The following SGIP1 variants were observed in gnomAD, a reference collection of about 807,000 sequenced individuals.
SGIP1 encodes the protein SH3GL interacting endocytic adaptor 1, also known as SH3-containing GRB2-like protein 3-interacting protein 1.
Under a neutral mutation model 107.5 loss-of-function variants are expected in SGIP1, and 38 were observed. That is an observed-to-expected ratio of 0.35 (90% CI 0.27 to 0.46). The LOEUF is 0.46. Ranked by LOEUF, SGIP1 falls within the 20% of genes least tolerant of loss-of-function variation. The probability of loss-of-function intolerance (pLI) is 1.00; values close to 1 mark genes in which losing one functional copy is unlikely to be tolerated. For synonymous variants in SGIP1, 365 were observed against 366.1 expected (o/e 1.00, Z 0.03); for missense variants, 929 against 1,019.5 (o/e 0.91, Z 1.21).
At chr1:66,630,849 A>AGAGAGAGAG (rs1558133224) in intron 2 of SGIP1, among the ~76,000 whole-genome samples, 3 of 29,310 alleles carry the variant, frequency 1.0e-4, no homozygotes, top group South Asian at 2.7e-3. Flanking sequence ...GAAAGAAAGA[A>AGAGAGAGAG]AGAAAGAAAG....
In SGIP1 at chr1:66,534,240, T is replaced by C; in HGVS notation, c.-119T>C. Reference sequence around the variant, plus strand: ...GCTTAACACTTATCTCCTTTGGCTTTGACAGCGGACGGAATAGACCTCAGC... The same window carrying C: ...GCTTAACACTTATCTCCTTTGGCTTCGACAGCGGACGGAATAGACCTCAGC... On this transcript the variant is annotated 5_prime_UTR_variant, in exon 1 of 25. Coordinates refer to ENST00000371037, the MANE Select transcript of SGIP1 (RefSeq NM_032291.4). The C allele has an allele frequency of 1.8e-6, 2 of 1,081,686 alleles. No individual in the cohort carries two copies. Among genetic ancestry groups the C allele is most frequent in the South Asian group, 1.3e-5 (1 of 76,378 alleles). The allele number at this position is 1,081,686 out of a possible 1,614,324, so 67.0% of individuals were successfully genotyped here. A position where few individuals can be genotyped will look rare whatever the true frequency, so the allele number is the denominator to read the frequency against.
intron 13 of SGIP1, among the ~76,000 whole-genome samples, chr1:66,677,581 A>C (rs1410466658): frequency 1.3e-5 from 2 of 152,192 alleles, no homozygotes; most frequent in Admixed American, 1.3e-4. Flanking sequence ...AGAGAAGCTG[A>C]GATAGTAGAT....
At chr1:66,648,786 A>G (rs1489872011) in intron 7 of SGIP1, among the ~76,000 whole-genome samples, 2 of 152,194 alleles carry the variant, frequency 1.3e-5, no homozygotes, top group African/African-American at 2.4e-5. Context: ...GCCAGTGTGT[A>G]GTAACAGAAG....
At chr1:66,635,883 G>A in intron 3 of SGIP1, 61 bp from the exon 4 acceptor site, 1 of 1,535,296 alleles carries the variant, frequency 6.5e-7, no homozygotes, top group South Asian at 1.1e-5. Flanking sequence ...CTTTATATGT[G>A]TCTTGAAGAA....
At chr1:66,734,005 T>C (rs2094127607) in intron 21 of SGIP1, 125 bp downstream of exon 21, 2 of 1,067,272 alleles carry the variant, frequency 1.9e-6, no homozygotes, top group African/African-American at 3.3e-5. Flanking sequence ...TATAACTCAT[T>C]TTTTTAAATG....
chr1:66,696,947 A>G (rs2091038173), intron 18 of SGIP1, among the ~76,000 whole-genome samples: 1 of 152,250 alleles, frequency 6.6e-6, no homozygotes, highest in Admixed American at 6.5e-5. Flanking sequence ...AAGTAAAGCA[A>G]TACCTGCATA....
At chr1:66,692,681 C>T (rs1277228653) in intron 17 of SGIP1, among the ~76,000 whole-genome samples, 1 of 152,160 alleles carries the variant, frequency 6.6e-6, no homozygotes, top group African/African-American at 2.4e-5. Context: ...GTTGGTAGCT[C>T]AACATTTCCC....
chr1:66,702,205 G>C (rs1455896921), intron 18 of SGIP1, among the ~76,000 whole-genome samples: 1 of 152,166 alleles, frequency 6.6e-6, no homozygotes, highest in Admixed American at 6.5e-5. Flanking sequence ...TGAGCATTTA[G>C]GTAACTTTTC....
chr1:66,538,909 G>A (rs2054243361), intron 1 of SGIP1, among the ~76,000 whole-genome samples: 1 of 152,074 alleles, frequency 6.6e-6, no homozygotes, highest in Admixed American at 6.6e-5. Context: ...AAAATTAGAA[G>A]GTATTTTCAG....
chr1:66,565,074 C>T (rs1432586261), intron 1 of SGIP1, among the ~76,000 whole-genome samples: 1 of 151,940 alleles, frequency 6.6e-6, no homozygotes, highest in Non-Finnish European at 1.5e-5. Context: ...AAAACCAGGA[C>T]CCCCTGACTC....
intron 1 of SGIP1, among the ~76,000 whole-genome samples, chr1:66,614,719 T>C (rs916386253): frequency 6.6e-6 from 1 of 151,840 alleles, no homozygotes; most frequent in Non-Finnish European, 1.5e-5. Context: ...GGCAGTACCA[T>C]GTAATCTCCT....
At chr1:66,605,310 C>G (rs1441609464) in intron 1 of SGIP1, among the ~76,000 whole-genome samples, 1 of 152,176 alleles carries the variant, frequency 6.6e-6, no homozygotes, top group Non-Finnish European at 1.5e-5. Context: ...TTTCATCTGA[C>G]CAGCCAATTG....
At chr1:66,721,593 G>A (rs982894670) in intron 19 of SGIP1, among the ~76,000 whole-genome samples, 7 of 152,114 alleles carry the variant, frequency 4.6e-5, no homozygotes, top group South Asian at 2.1e-4. Flanking sequence ...ATTTTTTTTA[G>A]CGACGGGGTT....
chr1:66,570,702 T>A (rs143522032), intron 1 of SGIP1, among the ~76,000 whole-genome samples: 2 of 152,078 alleles, frequency 1.3e-5, no homozygotes, highest in East Asian at 3.9e-4. Context: ...GCAAAACATA[T>A]GTAGTTCCCT....
chr1:66,749,084 T>C lies in SGIP1; in HGVS notation c.*5989T>C, dbSNP rs192818688. Among the ~76,000 whole-genome samples, 405 of 152,174 alleles carry C rather than the reference T, an allele frequency of 2.7e-3. 3 individuals carry two copies. The highest frequency in any genetic ancestry group is 2.6e-3 in the Non-Finnish European group (179 of 67,900). On this transcript the variant is annotated 3_prime_UTR_variant, in exon 25 of 25. Transcript: ENST00000371037. ...GAATTGTTATCTATTTTAAATTTCATTAGTATCTCTTAGTGAATTTAACTT... is the reference window on the plus strand; with the variant it reads ...GAATTGTTATCTATTTTAAATTTCACTAGTATCTCTTAGTGAATTTAACTT...
At chr1:66,612,307 T>C (rs2068194133) in intron 1 of SGIP1, among the ~76,000 whole-genome samples, 1 of 152,154 alleles carries the variant, frequency 6.6e-6, no homozygotes, top group African/African-American at 2.4e-5. Flanking sequence ...ACCCAAACAC[T>C]TTCCACTGGC....
At chr1:66,667,854 A>G (rs530013023) in intron 9 of SGIP1, among the ~76,000 whole-genome samples, 1 of 152,208 alleles carries the variant, frequency 6.6e-6, no homozygotes, top group South Asian at 2.1e-4. Flanking sequence ...AGGCCTAGAG[A>G]TTCACCAGAA....
intron 18 of SGIP1, among the ~76,000 whole-genome samples, chr1:66,711,162 C>A (rs2150345681): frequency 6.6e-6 from 1 of 152,178 alleles, no homozygotes; most frequent in Non-Finnish European, 1.5e-5. Context: ...TTAATCAAAC[C>A]CTTCTATCAT....
intron 7 of SGIP1, among the ~76,000 whole-genome samples, chr1:66,655,616 G>C (rs1191383376): frequency 6.6e-6 from 1 of 152,166 alleles, no homozygotes; most frequent in Non-Finnish European, 1.5e-5. Flanking sequence ...ATAGCCTATT[G>C]CTCTTAGGCT....
Sources: gnomAD v4.1 joint callset for allele counts (sites outside exome capture counted in the v4.1 genomes callset) on GRCh38, gnomAD v4.1.1 for gene constraint, MANE v1.5 for transcripts, NCBI Gene and HGNC (gene_info 2026-07-23, HGNC 2026-07-21) for gene names.